SGCD: variants seen among roughly 807,000 people sequenced by gnomAD.
SGCD encodes the protein sarcoglycan delta, also known as delta-sarcoglycan.
Under a neutral mutation model 36.6 loss-of-function variants are expected in SGCD, and 18 were observed. The observed-to-expected ratio is 0.49, with a 90% CI of 0.34 to 0.73. SGCD has a LOEUF of 0.73. SGCD is among the 30% of genes least tolerant of loss of function. The pLI is 0.01. For missense variants in SGCD, 387 were observed against 346.7 expected (o/e 1.12, Z -0.92); for synonymous variants, 133 against 130.6 (o/e 1.02, Z -0.12).
chr5:156,072,966 T>C (rs541130034), intron 1 of SGCD, among the ~76,000 whole-genome samples: 2 of 152,336 alleles, frequency 1.3e-5, no homozygotes, highest in East Asian at 3.9e-4. Flanking sequence ...TCTCGAGCCT[T>C]GGCTTTCAGC....
intron 7 of SGCD, among the ~76,000 whole-genome samples, chr5:156,729,486 A>C (rs908382111): frequency 4.6e-5 from 7 of 152,228 alleles, no homozygotes; most frequent in African/African-American, 1.7e-4. Flanking sequence ...GATGGGATCT[A>C]TCTCTCAGGG....
chr5:156,491,214 A>T (rs766953773), intron 3 of SGCD, among the ~76,000 whole-genome samples: 8 of 152,148 alleles, frequency 5.3e-5, no homozygotes, highest in Non-Finnish European at 1.2e-4. Context: ...AAATGGAAAA[A>T]CATCCCCTGA....
At chr5:156,249,005 T>C (rs1765509142) in intron 3 of SGCD, among the ~76,000 whole-genome samples, 1 of 152,200 alleles carries the variant, frequency 6.6e-6, no homozygotes, top group African/African-American at 2.4e-5. Flanking sequence ...ACATTCATTC[T>C]CTTTGAGATG....
At chr5:156,318,876 A>G (rs555672396) in intron 3 of SGCD, among the ~76,000 whole-genome samples, 4 of 152,310 alleles carry the variant, frequency 2.6e-5, no homozygotes, top group African/African-American at 9.6e-5. Flanking sequence ...GATTACAGGC[A>G]TGAGTCACCG....
chr5:156,697,319 C>A (rs1754359022), intron 7 of SGCD, among the ~76,000 whole-genome samples: 1 of 152,236 alleles, frequency 6.6e-6, no homozygotes, highest in Non-Finnish European at 1.5e-5. Context: ...TGGCGCAGCT[C>A]CCTTGGACCC....
chr5:155,745,231 G>C, the SGCD span, among the ~76,000 whole-genome samples: 1 of 152,220 alleles, frequency 6.6e-6, no homozygotes, highest in Non-Finnish European at 1.5e-5. Flanking sequence ...CCAGAAGGCT[G>C]ATATAGAAGG....
At chr5:155,905,292 C>T (rs1039224859) in intron 1 of SGCD, among the ~76,000 whole-genome samples, 2 of 152,128 alleles carry the variant, frequency 1.3e-5, no homozygotes, top group Non-Finnish European at 2.9e-5. Flanking sequence ...GGGAGAGAGC[C>T]AGATTTGTAG....
intron 3 of SGCD, among the ~76,000 whole-genome samples, chr5:156,468,421 T>A (rs1002112489): frequency 1.3e-5 from 2 of 152,034 alleles, no homozygotes; most frequent in African/African-American, 4.8e-5. Flanking sequence ...TGTAAAGTCC[T>A]TATATCATTG....
At chr5:156,417,565 C>T (rs966514788) in intron 3 of SGCD, among the ~76,000 whole-genome samples, 2 of 152,036 alleles carry the variant, frequency 1.3e-5, no homozygotes, top group Admixed American at 1.3e-4. Flanking sequence ...TGGAAAGTCC[C>T]AAATCAAGGT....
chr5:156,325,253 G>C (rs1235213477), upstream of SGCD, among the ~76,000 whole-genome samples: 2 of 151,762 alleles, frequency 1.3e-5, no homozygotes, highest in African/African-American at 4.8e-5. Flanking sequence ...ATTACATAAA[G>C]TTAAAGCAGC....
At chr5:155,752,204 T>C in the SGCD span, among the ~76,000 whole-genome samples, 1 of 152,200 alleles carries the variant, frequency 6.6e-6, no homozygotes, top group Non-Finnish European at 1.5e-5. Context: ...TTGTTCTCCA[T>C]ATGGCATGCT....
chr5:156,057,552 G>A (rs988450705), intron 1 of SGCD, among the ~76,000 whole-genome samples: 1 of 146,466 alleles, frequency 6.8e-6, no homozygotes, highest in African/African-American at 2.5e-5. Context: ...TCTGAAAAAG[G>A]CCAGAGAAAA....
At chr5:156,643,027 T>C (rs1763094136) in intron 6 of SGCD, among the ~76,000 whole-genome samples, 1 of 85,482 alleles carries the variant, frequency 1.2e-5, no homozygotes, top group African/African-American at 5.3e-5. Context: ...GTTTTTTGTT[T>C]TTTTTTTTGT....
intron 3 of SGCD, among the ~76,000 whole-genome samples, chr5:156,480,076 CACAA>C (rs1271254627): frequency 1.3e-5 from 2 of 152,198 alleles, no homozygotes; most frequent in African/African-American, 4.8e-5. Context: ...AAGTTGCTGT[CACAA>C]ACACTCTGAG....
chr5:156,096,732 T>A (rs747158570), intron 1 of SGCD, among the ~76,000 whole-genome samples: 14 of 152,218 alleles, frequency 9.2e-5, no homozygotes, highest in Non-Finnish European at 1.8e-4. Flanking sequence ...GACTAGCCTT[T>A]ATTTCTTAAG....
chr5:156,522,764 A>AC (rs996011328), intron 4 of SGCD, among the ~76,000 whole-genome samples: 2 of 140,436 alleles, frequency 1.4e-5, no homozygotes, highest in African/African-American at 5.6e-5. Context: ...CCCCATCCCC[A>AC]CCCCCCGACA....
chr5:155,854,648 TTAA>T, the SGCD span, among the ~76,000 whole-genome samples: 1 of 152,308 alleles, frequency 6.6e-6, no homozygotes, highest in African/African-American at 2.4e-5. Flanking sequence ...TATTGGACAT[TTAA>T]TAATATTTGA....
intron 2 of SGCD, among the ~76,000 whole-genome samples, chr5:156,342,797 C>A (rs1768732622): frequency 6.6e-6 from 1 of 152,210 alleles, no homozygotes; most frequent in Non-Finnish European, 1.5e-5. Context: ...TTAGCTTAAA[C>A]CTTTACATAC....
chr5:155,911,221 T>C (rs1756622770), intron 1 of SGCD, among the ~76,000 whole-genome samples: 1 of 151,950 alleles, frequency 6.6e-6, no homozygotes, highest in South Asian at 2.1e-4. Flanking sequence ...TCTGATCCTT[T>C]CCAATGGCTT....
Sources: gnomAD v4.1 joint callset for allele counts (sites outside exome capture counted in the v4.1 genomes callset) on GRCh38, gnomAD v4.1.1 for gene constraint, MANE v1.5 for transcripts, NCBI Gene and HGNC (gene_info 2026-07-23, HGNC 2026-07-21) for gene names.